Variants in ZNF28 observed in about 807,000 individuals in gnomAD.
The protein encoded by ZNF28 is zinc finger protein KOX24.
A neutral mutation model predicts 7.2 loss-of-function variants in ZNF28; 5 were observed. The observed-to-expected ratio is 0.70, with a 90% CI of 0.36 to 1.46. ZNF28 has a LOEUF of 1.46. ZNF28 is among the 40% of genes most tolerant of loss of function. The pLI is 0.03. For missense variants in ZNF28, 879 were observed against 866.6 expected (o/e 1.01, Z -0.18); for synonymous variants, 288 against 292.4 (o/e 0.99, Z 0.15).
intron 2 of ZNF28, among the ~76,000 whole-genome samples, chr19:52,812,752 G>A (rs189290575): frequency 0.014 from 777 of 53,798 alleles, 20 homozygotes; most frequent in African/African-American, 0.059. Flanking sequence ...AAACACCCAA[G>A]AATGATCAAT....
At position 52,812,246 on chromosome 19, in the gene ZNF28, C is replaced by T. The variant is rs912471728; in HGVS notation, c.16-4113G>A. Among the ~76,000 whole-genome samples, 686 of 137,640 alleles carry T rather than the reference C, an allele frequency of 5.0e-3. 50 individuals are homozygous for T. Among genetic ancestry groups the T allele is most frequent in the Non-Finnish European group, 6.3e-3 (418 of 66,756 alleles). The allele number at this position is 137,640 out of a possible 152,430, so 90.3% of individuals were successfully genotyped here. On this transcript the variant is annotated intron_variant, in intron 2 of 3. Coordinates refer to ENST00000457749, the MANE Select transcript of ZNF28 (RefSeq NM_006969.5). ...AGTGAGGAGCCCCTCTGCCCGGCCA[C>T]GACCCCGTCTGGGAGGTGTGCCCAG... is the stretch of plus-strand genomic sequence containing the variant.
intron 2 of ZNF28, among the ~76,000 whole-genome samples, chr19:52,811,264 T>C (rs1360804330): frequency 6.6e-6 from 1 of 151,626 alleles, no homozygotes; most frequent in Non-Finnish European, 1.5e-5. Context: ...CCCAGCCGCC[T>C]GCCTTGGCCT....
At chr19:52,820,526 T>C (rs1392983034) in intron 1 of ZNF28, among the ~76,000 whole-genome samples, 1 of 152,166 alleles carries the variant, frequency 6.6e-6, no homozygotes, top group African/African-American at 2.4e-5. Flanking sequence ...TTCTCTCTTC[T>C]CTGTTATAAC....
At chr19:52,809,001 T>C (rs1162146110) in intron 2 of ZNF28, among the ~76,000 whole-genome samples, 1 of 152,188 alleles carries the variant, frequency 6.6e-6, no homozygotes, top group Non-Finnish European at 1.5e-5. Context: ...TGTGTATATA[T>C]GTATTTGTAT....
chr19:52,810,889 CCCCCTCCCCCTCCCT>C, intron 2 of ZNF28, among the ~76,000 whole-genome samples: 4 of 13,842 alleles, frequency 2.9e-4, no homozygotes, highest in African/African-American at 1.2e-3. Context: ...CCCTCCCCCT[CCCCCTCCCCCTCCCT>C]CTCCCTCTCC....
chr19:52,811,437 A>G (rs1170828568), intron 2 of ZNF28, among the ~76,000 whole-genome samples: 4 of 140,596 alleles, frequency 2.8e-5, no homozygotes, highest in East Asian at 2.1e-4. Context: ...CATCCCATCT[A>G]GGAAGCGAGG....
intron 3 of ZNF28, among the ~76,000 whole-genome samples, chr19:52,802,580 G>A (rs1158415159): frequency 6.6e-6 from 1 of 151,868 alleles, no homozygotes; most frequent in Non-Finnish European, 1.5e-5. Flanking sequence ...GGGAGGCTGA[G>A]TCAGGATAAT....
At chr19:52,809,015 T>C (rs1462312155) in intron 2 of ZNF28, among the ~76,000 whole-genome samples, 1 of 152,206 alleles carries the variant, frequency 6.6e-6, no homozygotes, top group African/African-American at 2.4e-5. Flanking sequence ...TTTGTATGTA[T>C]ATGTGTGTGC....
intron 1 of ZNF28, 55 bp downstream of exon 1, chr19:52,821,531 G>C (rs1425650689): frequency 6.6e-6 from 1 of 152,234 alleles, no homozygotes; most frequent in African/African-American, 2.4e-5. Flanking sequence ...CCCATGTACA[G>C]AAGTGCCGGG....
At chr19:52,807,557 C>T (rs578008031) in intron 3 of ZNF28, among the ~76,000 whole-genome samples, 2 of 152,286 alleles carry the variant, frequency 1.3e-5, no homozygotes, top group East Asian at 3.9e-4. Context: ...CAATGCAAAA[C>T]TTGGCCTCCT....
At position 52,808,097 on chromosome 19, in the gene ZNF28, A is replaced by G. The variant is rs1172491344; in HGVS notation, c.52T>C (p.Ser18Pro). ...TCCAGGCATTTCCACTCCTCCTGAG[A>G]GAATTCTATGGCCACGTCCCTGAAT... ...LTFRDVAIEF[S>P]QEEWKCLDPA... The change falls in exon 3 of 4, where the codon TCT becomes CCT. Residue 18 changes from serine (S) to proline (P), a missense_variant. Physicochemically the swap from Ser to Pro is moderately conservative, Grantham distance 74 (BLOSUM62 -1). Coordinates refer to ENST00000457749, the MANE Select transcript of ZNF28 (RefSeq NM_006969.5). 6.2e-7 allele frequency: 1 copy of G among 1,613,342 alleles called. No homozygotes were observed. The highest frequency in any genetic ancestry group is 1.3e-5 in the African/African-American group (1 of 74,906).
rs1204323519 is a variant in ZNF28 at position 52,798,315 on chromosome 19, A to G, written c.*1373T>C. ...GTGCCCAGCCCAGTCCTCTTAACAT[A>G]AACAGTTTAATGTCAATTAATGCTT... On this transcript the variant is annotated 3_prime_UTR_variant, in exon 4 of 4. Transcript: ENST00000457749. 1 of 296,720 alleles carries G rather than the reference A, an allele frequency of 3.4e-6. No individual in the cohort carries two copies. The highest frequency in any genetic ancestry group is 1.0e-4 in the East Asian group (1 of 9,690). 18.4% of individuals were successfully genotyped at this position (296,720 alleles called of 1,614,324 possible).
rs1421138627 is a variant in ZNF28, at chr19:52,800,432, T to C, written c.1413A>G (p.Glu471=). ...ATTTGCACCTGAAAACTTTGTCACATTCTTCACATTTGTATGGTTTCTCTG... is the reference window on the plus strand; with the variant it reads ...ATTTGCACCTGAAAACTTTGTCACACTCTTCACATTTGTATGGTTTCTCTG... ...HTAEKPYKCE[E]CDKVFRCKSH... is the part of the protein sequence containing the mutation. Residue 471 remains glutamate, a synonymous_variant, in exon 4 of 4, where the codon GAA becomes GAG. Transcript: ENST00000457749. 1 of 1,613,540 alleles carries C rather than the reference T, an allele frequency of 6.2e-7. No homozygotes were observed. Among genetic ancestry groups the C allele is most frequent in the Non-Finnish European group, 8.5e-7 (1 of 1,179,724 alleles).
At chr19:52,810,130 T>A in intron 2 of ZNF28, 1 of 861,770 alleles carries the variant, frequency 1.2e-6, no homozygotes. Context: ...CCGGGACTGG[T>A]CGAGGGTGAC....
At chr19:52,803,067 TA>T (rs899920768) in intron 3 of ZNF28, among the ~76,000 whole-genome samples, 34 of 151,572 alleles carry the variant, frequency 2.2e-4, no homozygotes, top group South Asian at 1.0e-3. Context: ...GGCCGACTTT[TA>T]AAAAAAATTT....
intron 2 of ZNF28, chr19:52,810,666 CA>C: frequency 9.9e-7 from 1 of 1,012,342 alleles, no homozygotes; most frequent in East Asian, 2.4e-5. Context: ...GTCGCGTCTA[CA>C]GGGGCCGGGC....
At chr19:52,815,884 A>G (rs922900335) in intron 2 of ZNF28, among the ~76,000 whole-genome samples, 2 of 147,354 alleles carry the variant, frequency 1.4e-5, no homozygotes, top group African/African-American at 5.2e-5. Flanking sequence ...AATAATTGGT[A>G]CAACAAACTC....
At chr19:52,811,566 C>T (rs1235966428) in intron 2 of ZNF28, among the ~76,000 whole-genome samples, 5 of 146,930 alleles carry the variant, frequency 3.4e-5, no homozygotes, top group African/African-American at 5.1e-5. Context: ...ATGTGAGGAG[C>T]GCCTCTGCTG....
intron 3 of ZNF28, among the ~76,000 whole-genome samples, chr19:52,802,409 GTGGC>G (rs1282506928): frequency 3.9e-5 from 6 of 152,022 alleles, no homozygotes; most frequent in African/African-American, 1.5e-4. Flanking sequence ...GCAGGGCATG[GTGGC>G]TCATGCCTGT....
Sources: gnomAD v4.1 joint callset for allele counts (sites outside exome capture counted in the v4.1 genomes callset) on GRCh38, gnomAD v4.1.1 for gene constraint, MANE v1.5 for transcripts, NCBI Gene and HGNC (gene_info 2026-07-23, HGNC 2026-07-21) for gene names.